Variants in PTPRS observed in about 807,000 individuals in gnomAD.
PTPRS encodes receptor-type tyrosine-protein phosphatase S.
A neutral mutation model predicts 215.3 loss-of-function variants in PTPRS; 63 were observed. The ratio of observed to expected loss-of-function variants is 0.29; its 90% CI spans 0.24 to 0.36. PTPRS has a LOEUF of 0.36. PTPRS is among the 10% of genes least tolerant of loss of function. The pLI is 1.00. For missense variants in PTPRS, 2,258 were observed against 2,825.8 expected, an observed-to-expected ratio of 0.80 and a Z score of 4.56; for synonymous variants, 1,404 against 1,191.4, an observed-to-expected ratio of 1.18 and a Z score of -3.68.
At chr19:5,259,127 T>G (rs2045794841) in intron 7 of PTPRS, among the ~76,000 whole-genome samples, 1 of 152,170 alleles carries the variant, frequency 6.6e-6, no homozygotes, top group Non-Finnish European at 1.5e-5. Context: ...CAAGCCTGGA[T>G]CAAAGAATTT....
At chr19:5,298,462 G>A (rs1228088553) in intron 1 of PTPRS, among the ~76,000 whole-genome samples, 6 of 152,222 alleles carry the variant, frequency 3.9e-5, no homozygotes, top group Admixed American at 3.9e-4. Flanking sequence ...ATTTCATTTA[G>A]GTACAAACTC....
Position 5,223,077 on chromosome 19 carries a change from A to C in PTPRS, c.2715T>G (p.Leu905=). The C allele has an allele frequency of 6.4e-7, 1 of 1,558,456 alleles. No homozygotes were observed. The highest frequency in any genetic ancestry group is 1.2e-5 in the South Asian group (1 of 84,898). The change falls in exon 18 of 38, where the codon CTT becomes CTG. Residue 905 remains leucine (L), a synonymous_variant. Coordinates refer to ENST00000262963, the MANE Select transcript of PTPRS (RefSeq NM_002850.4). ...VHKGATYVFR[L]AARSRGGLGE... ...CCAGGCCGCCGCGGCTCCGGGCCGC[A>C]AGCCGGAACACATACGTGGCCCCCT... is the stretch of plus-strand genomic sequence containing the variant.
intron 4 of PTPRS, 74 bp from the exon 5 acceptor site, chr19:5,265,270 G>GA: frequency 2.8e-6 from 4 of 1,425,806 alleles, no homozygotes; most frequent in Non-Finnish European, 3.8e-6. Flanking sequence ...TGGGGCTCAG[G>GA]GACTGCCTGG....
intron 4 of PTPRS, among the ~76,000 whole-genome samples, chr19:5,268,907 G>T (rs983002646): frequency 1.3e-5 from 2 of 152,222 alleles, no homozygotes; most frequent in Non-Finnish European, 2.9e-5. Context: ...CCCTGAAGGG[G>T]GCATGGCTGG....
chr19:5,274,800 CTT>C (rs1046430011), intron 2 of PTPRS, among the ~76,000 whole-genome samples: 4 of 152,200 alleles, frequency 2.6e-5, no homozygotes, highest in Admixed American at 2.6e-4. Flanking sequence ...GCCAGAATAA[CTT>C]GGTCTAATTT....
chr19:5,220,208 C>T (rs980355566), intron 21 of PTPRS, 52 bp downstream of exon 21: 30 of 1,609,032 alleles, frequency 1.9e-5, no homozygotes, highest in South Asian at 3.3e-5. Context: ...CAACAGAGCA[C>T]GTGAAAACTG....
chr19:5,224,944 AC>A (rs1205717586), intron 17 of PTPRS, among the ~76,000 whole-genome samples: 3 of 152,094 alleles, frequency 2.0e-5, no homozygotes, highest in African/African-American at 7.2e-5. Flanking sequence ...GATGAAGGCC[AC>A]AGAAGTCAGT....
intron 1 of PTPRS, among the ~76,000 whole-genome samples, chr19:5,307,821 G>A (rs1030468941): frequency 6.6e-6 from 1 of 152,144 alleles, no homozygotes; most frequent in Non-Finnish European, 1.5e-5. Context: ...TCGCCATATC[G>A]GGGGCCAAAT....
chr19:5,261,062 G>A (rs1028184920), intron 6 of PTPRS, among the ~76,000 whole-genome samples: 1 of 152,112 alleles, frequency 6.6e-6, no homozygotes, highest in Non-Finnish European at 1.5e-5. Flanking sequence ...CCTGTAGAAG[G>A]CGGGAATCTC....
chr19:5,268,702 G>A (rs373812307), intron 4 of PTPRS, among the ~76,000 whole-genome samples: 1 of 152,180 alleles, frequency 6.6e-6, no homozygotes, highest in African/African-American at 2.4e-5. Context: ...CGCAGCGCAG[G>A]CAACGGAACC....
chr19:5,238,607 G>C (rs1233359229), intron 13 of PTPRS, among the ~76,000 whole-genome samples: 2 of 152,208 alleles, frequency 1.3e-5, no homozygotes, highest in Non-Finnish European at 2.9e-5. Context: ...AGAGGAGAAA[G>C]AAGGCGTGGT....
Position 5,264,992 on chromosome 19 carries a change from A to T in PTPRS, c.568+16T>A. ...CCCTCCAAGGCTCCCACGTCCTGTC[A>T]GCCACCCTCACTCACCTGATCGCAG... On this transcript the variant is annotated intron_variant, in intron 5 of 37. Transcript: ENST00000262963. 1 of 1,612,878 alleles carries T rather than the reference A, an allele frequency of 6.2e-7. No homozygotes were observed. Among genetic ancestry groups the T allele is most frequent in the Non-Finnish European group, 8.5e-7 (1 of 1,179,516 alleles).
Position 5,207,767 on chromosome 19 carries a change from T to C in PTPRS, c.5778+155A>G, listed in dbSNP as rs375597890. Among the ~76,000 whole-genome samples, 610 of 152,232 alleles carry C rather than the reference T, an allele frequency of 4.0e-3. 1 individual carries two copies. Among genetic ancestry groups the C allele is most frequent in the Non-Finnish European group, 6.9e-3 (471 of 68,006 alleles). Reference sequence around the variant, plus strand: ...ACTGTTGTGTTAAAAGGGTTACTGGTCCCCTTCCAGTGCGGGAGGGGTCTG... The same window carrying C: ...ACTGTTGTGTTAAAAGGGTTACTGGCCCCCTTCCAGTGCGGGAGGGGTCTG... On this transcript the variant is annotated intron_variant, in intron 37 of 37. Coordinates refer to ENST00000262963, the MANE Select transcript of PTPRS (RefSeq NM_002850.4).
At chr19:5,218,610 T>G in intron 24 of PTPRS, 78 bp from the exon 25 acceptor site, 1 of 1,540,896 alleles carries the variant, frequency 6.5e-7, no homozygotes, top group Non-Finnish European at 9.0e-7. Flanking sequence ...GCCCCAGGAA[T>G]GCATGGTAAG....
At chr19:5,225,978 T>C (rs2042456760) in intron 16 of PTPRS, 134 bp from the exon 17 acceptor site, 2 of 698,676 alleles carry the variant, frequency 2.9e-6, no homozygotes, top group Non-Finnish European at 5.0e-6. Flanking sequence ...CATGAGCTCA[T>C]GCAGAGACCA....
At position 5,257,127 on chromosome 19, in the gene PTPRS, C is replaced by G. The variant is rs1418527268; in HGVS notation, c.706+890G>C. On this transcript the variant is annotated intron_variant, in intron 8 of 37. Transcript: ENST00000262963. This position sits in a 1 kb window ranked among gnomAD's most constrained non-coding sequence, Gnocchi z 4.4. Reference sequence around the variant, plus strand: ...GGAAGACTACAACTTCTGAAAAGACCCAAGAGCCAACACACGAGATAAGAG... The same window carrying G: ...GGAAGACTACAACTTCTGAAAAGACGCAAGAGCCAACACACGAGATAAGAG... 6.7e-6 allele frequency among the ~76,000 whole-genome samples: 1 copy of G among 149,138 alleles called. No homozygotes were observed. The highest frequency in any genetic ancestry group is 2.2e-4 in the South Asian group (1 of 4,572).
At chr19:5,289,985 A>T (rs746117681) in intron 1 of PTPRS, among the ~76,000 whole-genome samples, 1 of 152,248 alleles carries the variant, frequency 6.6e-6, no homozygotes, top group Non-Finnish European at 1.5e-5. Context: ...CTGCCAAGAA[A>T]GGGAAATTAA....
At position 5,223,314 on chromosome 19, in the gene PTPRS, C is replaced by G; in HGVS notation, c.2495-17G>C. 6.9e-7 allele frequency: 1 copy of G among 1,442,644 alleles called. No homozygotes were observed. The highest frequency in any genetic ancestry group is 9.0e-7 in the Non-Finnish European group (1 of 1,106,058). 89.4% of individuals were successfully genotyped at this position (1,442,644 alleles called of 1,614,324 possible). ...GGCCCAGCACTGCGGGGATACGGGG[C>G]AGGTGTCAGGGTCCCAGCGCCATCC... is the stretch of plus-strand genomic sequence containing the variant. On this transcript the variant is annotated splice_polypyrimidine_tract_variant and intron_variant, in intron 17 of 37. Coordinates refer to ENST00000262963, the MANE Select transcript of PTPRS (RefSeq NM_002850.4).
At chr19:5,286,589 G>A (rs1251741741) in intron 1 of PTPRS, among the ~76,000 whole-genome samples, 5 of 152,118 alleles carry the variant, frequency 3.3e-5, no homozygotes, top group African/African-American at 1.2e-4. Flanking sequence ...GCCACGTGAG[G>A]ACACAGGGAG....
Sources: gnomAD v4.1 joint callset for allele counts (sites outside exome capture counted in the v4.1 genomes callset) on GRCh38, gnomAD v4.1.1 for gene constraint, Gnocchi (gnomAD v3.1) non-coding constraint, MANE v1.5 for transcripts, NCBI Gene and HGNC (gene_info 2026-07-23, HGNC 2026-07-21) for gene names.